Variants in KRT18 observed in about 807,000 individuals in gnomAD.
KRT18 encodes keratin, type I cytoskeletal 18.
KRT18 carries 8 observed loss-of-function variants against 39.9 expected under a neutral mutation model. The observed-to-expected ratio is 0.20, with a 90% CI of 0.12 to 0.36. KRT18 has a LOEUF of 0.36. Ranked by LOEUF, KRT18 falls within the 10% of genes least tolerant of loss-of-function variation. KRT18 has a pLI of 1.00. For missense variants in KRT18, 396 were observed against 565.7 expected (o/e 0.70, Z 3.04); for synonymous variants, 194 against 227.8 (o/e 0.85, Z 1.33).
intron 6 of KRT18, 160 bp downstream of exon 6, chr12:52,952,502 T>A: frequency 1.3e-6 from 1 of 748,684 alleles, no homozygotes; most frequent in Non-Finnish European, 2.3e-6. Context: ...GAGTAACAGT[T>A]ACAGAGGTCT....
chr12:52,952,844 C>G lies in KRT18; in HGVS notation c.*2C>G, dbSNP rs762433427. ...GACACCAAAGTTCTGAGGCATTAAGCCAGCAGAAGCAGGGTACCCTTTGGG... is the reference window on the plus strand; with the variant it reads ...GACACCAAAGTTCTGAGGCATTAAGGCAGCAGAAGCAGGGTACCCTTTGGG... On this transcript the variant is annotated 3_prime_UTR_variant, in exon 7 of 7. Coordinates refer to ENST00000388835, the MANE Select transcript of KRT18 (RefSeq NM_000224.3). 2.5e-6 allele frequency: 4 copies of G among 1,606,578 alleles called. No homozygotes were observed. In the East Asian group the frequency reaches 8.9e-5, roughly 36 times the overall value.
At position 52,951,494 on chromosome 12, in the gene KRT18, T is replaced by C. The variant is rs1565738795; in HGVS notation, c.671T>C (p.Leu224Pro). ...TGTCACCTTTAGGAAGTAAAAGGCC[T>C]ACAAGCCCAGATTGCCAGCTCTGGG... Reference protein sequence around the residue: ...KKNHEEEVKGLQAQIASSGLT... With the variant: ...KKNHEEEVKGPQAQIASSGLT... Residue 224 changes from leucine (L) to proline (P), a missense_variant, in exon 4 of 7, where the codon CTA (leucine) becomes CCA (proline). Coordinates refer to ENST00000388835, the MANE Select transcript of KRT18 (RefSeq NM_000224.3). 2 of 1,613,886 alleles carry C rather than the reference T, an allele frequency of 1.2e-6. No individual in the cohort carries two copies. Among genetic ancestry groups the C allele is most frequent in the Non-Finnish European group, 1.7e-6 (2 of 1,179,920 alleles).
chr12:52,948,948 G>T, upstream of KRT18: 1 of 444,558 alleles, frequency 2.2e-6, no homozygotes, highest in Non-Finnish European at 3.9e-6. Flanking sequence ...GGTGAGCGGG[G>T]CTTGGCAGGG....
At chr12:52,949,641 A>C in intron 1 of KRT18, 51 bp downstream of exon 1, 1 of 1,479,234 alleles carries the variant, frequency 6.8e-7, no homozygotes, top group Non-Finnish European at 9.4e-7. Flanking sequence ...CCCTCCAATT[A>C]TACACTCCTT....
At chr12:52,950,431 G>C (rs373449931) in intron 2 of KRT18, 21 bp downstream of exon 2, 283 of 1,564,328 alleles carry the variant, frequency 1.8e-4, no homozygotes, top group Admixed American at 4.4e-4. Context: ...GGGCTAGAGA[G>C]CTGGGGGTCC....
At chr12:52,950,016 A>G (rs946431852) in intron 1 of KRT18, 1 of 605,912 alleles carries the variant, frequency 1.7e-6, no homozygotes, top group Non-Finnish European at 2.9e-6. Flanking sequence ...GACCAGGTGC[A>G]CTAGGGAAAA....
intron 1 of KRT18, chr12:52,949,830 A>G (rs1445262372): frequency 4.3e-6 from 3 of 703,818 alleles, no homozygotes; most frequent in Non-Finnish European, 7.8e-6. Context: ...TTTACAGAGG[A>G]AGTGGACAGC....
In KRT18 at chr12:52,952,225, C is replaced by T. The variant is rs1190661327; in HGVS notation, c.1055C>T (p.Thr352Ile). ...LLHLESELAQ[T>I]RAEGQRQAQE... is the part of the protein sequence containing the mutation. ...CACCTTGAGTCAGAGCTGGCACAGA[C>T]CCGGGCAGAGGGACAGCGCCAGGCC... The change falls in exon 6 of 7, where the codon ACC becomes ATC. Residue 352 changes from threonine to isoleucine, a missense_variant. Transcript: ENST00000388835. 3.4e-5 allele frequency: 55 copies of T among 1,601,254 alleles called. No homozygotes were observed. Among genetic ancestry groups the T allele is most frequent in the Non-Finnish European group, 4.2e-5 (49 of 1,174,886 alleles).
Position 52,949,626 on chromosome 12 carries a change from T to G in KRT18, c.417+36T>G, listed in dbSNP as rs751059151. 1.9e-6 allele frequency: 3 copies of G among 1,564,872 alleles called. No homozygotes were observed. The South Asian group carries it at 3.3e-5, about 17-fold the overall frequency. On this transcript the variant is annotated intron_variant, in intron 1 of 6. Transcript: ENST00000388835. ...GGAGGGACCTCAACTCCCAGCCTTG[T>G]CTGACCCTCCAATTATACACTCCTT...
intron 3 of KRT18, 107 bp from the exon 4 acceptor site, chr12:52,951,374 T>A: frequency 8.6e-7 from 1 of 1,166,018 alleles, no homozygotes. Flanking sequence ...GGGTTCCTCC[T>A]GTCTCTTCTC....
chr12:52,949,691 C>A (rs775448872), intron 1 of KRT18, 101 bp downstream of exon 1: 11 of 1,072,400 alleles, frequency 1.0e-5, no homozygotes, highest in Non-Finnish European at 1.6e-5. Flanking sequence ...AACCCCTACT[C>A]CACCGGGAGG....
At chr12:52,951,985 C>A in intron 5 of KRT18, 129 bp downstream of exon 5, 1 of 1,352,176 alleles carries the variant, frequency 7.4e-7, no homozygotes, top group Non-Finnish European at 1.1e-6. Flanking sequence ...TTCCTCTTTG[C>A]ATTTCCCTCC....
At position 52,951,574 on chromosome 12, in the gene KRT18, G is replaced by A; in HGVS notation, c.751G>A (p.Asp251Asn). 1 of 1,614,170 alleles carries A rather than the reference G, an allele frequency of 6.2e-7. No individual in the cohort carries two copies. The highest frequency in any genetic ancestry group is 1.3e-5 in the African/African-American group (1 of 75,056). ...KSQDLAKIMADIRAQYDELAR... is the reference protein window; with the variant it reads ...KSQDLAKIMANIRAQYDELAR... ...TCAGGACCTCGCCAAGATCATGGCA[G>A]ACATCCGGGCCCAATATGACGAGCT... The change falls in exon 4 of 7, where the codon GAC (aspartate) becomes AAC (asparagine). Residue 251 changes from aspartate (D) to asparagine (N), a missense_variant. Transcript: ENST00000388835.
At position 52,951,559 on chromosome 12, in the gene KRT18, G is replaced by A. The variant is rs748780372; in HGVS notation, c.736G>A (p.Ala246Thr). 21 of 1,614,004 alleles carry A rather than the reference G, an allele frequency of 1.3e-5. No individual in the cohort carries two copies. Among genetic ancestry groups the A allele is most frequent in the Middle Eastern group, 1.6e-4 (1 of 6,082 alleles). ...AGATGCCCCCAAATCTCAGGACCTC[G>A]CCAAGATCATGGCAGACATCCGGGC... The part of the protein sequence containing the change: ...EVDAPKSQDL[A>T]KIMADIRAQY... The change falls in exon 4 of 7, where the codon GCC (alanine) becomes ACC (threonine). Residue 246 changes from alanine to threonine, a missense_variant. Coordinates refer to ENST00000388835, the MANE Select transcript of KRT18 (RefSeq NM_000224.3).
chr12:52,952,456 G>A, intron 6 of KRT18, 114 bp downstream of exon 6: 1 of 837,328 alleles, frequency 1.2e-6, no homozygotes, highest in Non-Finnish European at 2.0e-6. Flanking sequence ...CTGAGCACTG[G>A]GCCGTTGCTC....
chr12:52,952,847 G>A lies in KRT18; in HGVS notation c.*5G>A. On this transcript the variant is annotated 3_prime_UTR_variant, in exon 7 of 7. Transcript: ENST00000388835. The stretch of plus-strand genomic sequence containing the variant: ...ACCAAAGTTCTGAGGCATTAAGCCA[G>A]CAGAAGCAGGGTACCCTTTGGGGAG... The A allele has an allele frequency of 6.2e-7, 1 of 1,606,210 alleles. No homozygotes were observed. The highest frequency in any genetic ancestry group is 8.5e-7 in the Non-Finnish European group (1 of 1,179,556).
Position 52,950,430 on chromosome 12 carries a change from A to G in KRT18, c.500+20A>G. 6.4e-7 allele frequency: 1 copy of G among 1,570,882 alleles called. No homozygotes were observed. Among genetic ancestry groups the G allele is most frequent in the Non-Finnish European group, 8.8e-7 (1 of 1,141,102 alleles). On this transcript the variant is annotated intron_variant, in intron 2 of 6. Coordinates refer to ENST00000388835, the MANE Select transcript of KRT18 (RefSeq NM_000224.3). ...AGTCAAGTAAGTTTGGGGGCTAGAG[A>G]GCTGGGGGTCCAGGGGTGGAGCTAA...
chr12:52,948,933 T>TG (rs1274460547), upstream of KRT18: 18 of 400,122 alleles, frequency 4.5e-5, no homozygotes, highest in Non-Finnish European at 7.8e-5. Context: ...ACCCCGTTTC[T>TG]GGGGGGTGAG....
rs770760404 is a variant in KRT18 at position 52,950,857 on chromosome 12, T to G, written c.608T>G (p.Ile203Ser). ...NITRLQLETE[I>S]EALKEELLFM... is the part of the protein sequence containing the mutation. Reference sequence around the variant, plus strand: ...ACACGACTGCAGCTGGAGACAGAGATCGAGGCTCTCAAGGAGGAGCTGCTC... The same window carrying G: ...ACACGACTGCAGCTGGAGACAGAGAGCGAGGCTCTCAAGGAGGAGCTGCTC... The change falls in exon 3 of 7, where the codon ATC (isoleucine) becomes AGC (serine). Residue 203 changes from isoleucine (I) to serine (S), a missense_variant. Physicochemically the swap from Ile to Ser is moderately radical, Grantham distance 142 (BLOSUM62 -2). Transcript: ENST00000388835. 6.2e-6 allele frequency: 10 copies of G among 1,601,924 alleles called. No individual in the cohort carries two copies. The highest frequency in any genetic ancestry group is 1.3e-5 in the African/African-American group (1 of 74,636).
Sources: gnomAD v4.1 joint callset for allele counts on GRCh38, gnomAD v4.1.1 for gene constraint, MANE v1.5 for transcripts, NCBI Gene and HGNC (gene_info 2026-07-23, HGNC 2026-07-21) for gene names.